The following PTPN20 variants were observed in gnomAD, a reference collection of about 807,000 sequenced individuals.
The protein encoded by PTPN20 is protein tyrosine phosphatase non-receptor type 20, also known as tyrosine-protein phosphatase non-receptor type 20.
PTPN20 carries 9 observed loss-of-function variants against 35.0 expected under a neutral mutation model. The observed-to-expected ratio is 0.26, with a 90% confidence interval of 0.15 to 0.45. The LOEUF (loss-of-function observed/expected upper bound fraction) is 0.45. PTPN20 is among the 20% of genes least tolerant of loss of function. The pLI is 1.00. For synonymous variants in PTPN20, 32 were observed against 100.2 expected (o/e 0.32, Z 4.06); for missense variants, 111 against 312.5 (o/e 0.36, Z 4.86).
At position 47,000,815 on chromosome 10, in the gene PTPN20, T is replaced by G; in HGVS notation, c.*74T>G. The stretch of plus-strand genomic sequence containing the variant: ...CTCCTCATAAAGAACATGTTTGCAC[T>G]GTGCTGAAGGGCTTTGCTATGCATA... On this transcript the variant is annotated 3_prime_UTR_variant, in exon 11 of 11. Transcript: ENST00000374339. The G allele has an allele frequency of 8.3e-6, 13 of 1,557,254 alleles. No homozygotes were observed. The highest frequency in any genetic ancestry group is 1.2e-5 in the Non-Finnish European group (13 of 1,128,470).
chr10:46,995,948 T>C (rs1445738892), intron 9 of PTPN20, among the ~76,000 whole-genome samples: 2 of 152,214 alleles, frequency 1.3e-5, no homozygotes, highest in Non-Finnish European at 2.9e-5. Flanking sequence ...TGGGATATTG[T>C]TGGTGATAAT....
chr10:46,998,509 A>G (rs1235421700), intron 9 of PTPN20, among the ~76,000 whole-genome samples: 1 of 152,212 alleles, frequency 6.6e-6, no homozygotes, highest in African/African-American at 2.4e-5. Context: ...GTGTGACTCT[A>G]TAGGGATAGC....
chr10:47,000,639 C>T (rs909589556), intron 10 of PTPN20, 37 bp from the exon 11 acceptor site: 7 of 1,607,944 alleles, frequency 4.4e-6, no homozygotes, highest in African/African-American at 2.7e-5. Flanking sequence ...TATTCAATTA[C>T]TTAACATTCT....
intron 5 of PTPN20, among the ~76,000 whole-genome samples, chr10:46,950,948 T>C (rs2046446364): frequency 1.3e-5 from 2 of 150,220 alleles, no homozygotes; most frequent in African/African-American, 5.0e-5. Flanking sequence ...TTGTCTAATA[T>C]TTCATTGTAT....
Position 47,001,137 on chromosome 10 carries a change from A to G in PTPN20, c.*396A>G. The G allele has an allele frequency of 3.8e-6, 1 of 263,116 alleles. No individual in the cohort carries two copies. The highest frequency in any genetic ancestry group is 7.3e-6 in the Non-Finnish European group (1 of 137,176). The allele number at this position is 263,116 out of a possible 1,614,324, so 16.3% of individuals were successfully genotyped here. On this transcript the variant is annotated 3_prime_UTR_variant, in exon 11 of 11. Transcript: ENST00000374339. ...GGACTTTGTAAGTTCTTATTCTGGGAGAACATAAGGCCAATAATCATGACC... is the reference window on the plus strand; with the variant it reads ...GGACTTTGTAAGTTCTTATTCTGGGGGAACATAAGGCCAATAATCATGACC...
intron 2 of PTPN20, among the ~76,000 whole-genome samples, chr10:46,936,017 T>G (rs2041511406): frequency 6.6e-6 from 1 of 152,160 alleles, no homozygotes; most frequent in African/African-American, 2.4e-5. Flanking sequence ...AGATGGTATC[T>G]CATTGTGGTT....
chr10:47,003,101 A>G (rs1448735508), downstream of PTPN20, among the ~76,000 whole-genome samples: 3 of 152,042 alleles, frequency 2.0e-5, no homozygotes, highest in Admixed American at 1.3e-4. Context: ...TTGGTATTCA[A>G]TGGGGGTGAT....
chr10:46,963,651 G>T (rs2050023194), intron 5 of PTPN20, among the ~76,000 whole-genome samples: 1 of 95,454 alleles, frequency 1.0e-5, no homozygotes. Context: ...CTATTTCTAT[G>T]GTTGGCGCAA....
chr10:46,935,292 C>A, intron 2 of PTPN20, among the ~76,000 whole-genome samples: 1 of 131,318 alleles, frequency 7.6e-6, no homozygotes, highest in East Asian at 2.1e-4. Context: ...CAGCAAAGGA[C>A]ATGATTTCAT....
intron 5 of PTPN20, among the ~76,000 whole-genome samples, chr10:46,953,335 TTTTC>T (rs201614690): frequency 0.14 from 15,992 of 113,110 alleles, 664 homozygotes; most frequent in South Asian, 0.15. Flanking sequence ...CTTTCATTTC[TTTTC>T]TTTCTTTCTT....
At chr10:46,960,656 ATTGCT>A in intron 5 of PTPN20, among the ~76,000 whole-genome samples, 1 of 152,102 alleles carries the variant, frequency 6.6e-6, no homozygotes, top group East Asian at 1.9e-4. Flanking sequence ...GGTTCTGTTG[ATTGCT>A]TTGTCTCTTG....
chr10:46,946,954 T>C (rs1386337245), intron 5 of PTPN20: 20 of 384,566 alleles, frequency 5.2e-5, no homozygotes, highest in Non-Finnish European at 9.0e-5. Context: ...AGGTATTTTA[T>C]AGATTTGAAA....
chr10:46,999,786 T>G (rs2059778446), intron 9 of PTPN20, 126 bp from the exon 10 acceptor site: 3 of 1,169,570 alleles, frequency 2.6e-6, no homozygotes, highest in Non-Finnish European at 3.8e-6. Flanking sequence ...ATAGCACATT[T>G]TCTTGTGAGT....
In PTPN20 at chr10:47,000,595, A is replaced by G. The variant is rs2059928156; in HGVS notation, c.1198-81A>G. ...TTAGGAACTTTCCAGTGTGGCTGAA[A>G]ATTACAAATGTGTTTTCTGAAAGTG... is the stretch of plus-strand genomic sequence containing the variant. On this transcript the variant is annotated intron_variant, in intron 10 of 10. Transcript: ENST00000374339. 4.5e-6 allele frequency: 7 copies of G among 1,559,336 alleles called. No homozygotes were observed. In the African/African-American group the frequency reaches 9.6e-5, roughly 21 times the overall value.
intron 9 of PTPN20, among the ~76,000 whole-genome samples, chr10:46,991,838 C>G (rs1312230845): frequency 1.3e-5 from 2 of 152,068 alleles, no homozygotes; most frequent in African/African-American, 4.8e-5. Context: ...TGACCTTTCT[C>G]TCTAGCTGCC....
At chr10:46,994,014 G>A (rs1239886384) in intron 9 of PTPN20, among the ~76,000 whole-genome samples, 1 of 151,846 alleles carries the variant, frequency 6.6e-6, no homozygotes, top group Non-Finnish European at 1.5e-5. Context: ...CTCAGATTTT[G>A]TTTATCTGAA....
At chr10:46,928,482 T>A (rs1232495972) in intron 1 of PTPN20, among the ~76,000 whole-genome samples, 1 of 152,178 alleles carries the variant, frequency 6.6e-6, no homozygotes, top group East Asian at 1.9e-4. Context: ...TGAATCCTTT[T>A]ATTTTATTTT....
At chr10:46,936,059 T>C (rs1336970200) in intron 2 of PTPN20, among the ~76,000 whole-genome samples, 1 of 152,236 alleles carries the variant, frequency 6.6e-6, no homozygotes, top group Non-Finnish European at 1.5e-5. Context: ...ATTAGTGATA[T>C]TGAGCATTTT....
chr10:46,948,794 C>G, intron 5 of PTPN20, among the ~76,000 whole-genome samples: 1 of 150,340 alleles, frequency 6.7e-6, no homozygotes, highest in African/African-American at 2.5e-5. Flanking sequence ...TTGTCCTATT[C>G]CATTCTCAGC....
Sources: allele counts gnomAD v4.1 joint callset (sites outside exome capture counted in the v4.1 genomes callset), GRCh38; gene constraint gnomAD v4.1.1; transcripts MANE v1.5; gene names NCBI Gene and HGNC (gene_info 2026-07-23, HGNC 2026-07-21).